MLLT3: variants seen among roughly 807,000 people sequenced by gnomAD.
MLLT3 encodes MLLT3 super elongation complex subunit, also known as protein AF-9.
MLLT3 carries 4 observed loss-of-function variants against 53.2 expected under a neutral mutation model. That is an observed-to-expected ratio of 0.08 (90% CI 0.04 to 0.17). The LOEUF (loss-of-function observed/expected upper bound fraction) is 0.17. Ranked by LOEUF, MLLT3 falls within the 10% of genes least tolerant of loss-of-function variation. MLLT3 has a pLI of 1.00. For synonymous variants in MLLT3, 283 were observed against 230.6 expected (o/e 1.23, Z -2.06); for missense variants, 569 against 684.0 (o/e 0.83, Z 1.87).
rs1373696549 is a variant in MLLT3, at chr9:20,545,928, G to A, written c.193+74726C>T. Reference sequence around the variant, plus strand: ...AGCTACGAGAAAGACTGAGGCAGAAGGATCACTTGAGCTCAAGTGTTTCAA... The same window carrying A: ...AGCTACGAGAAAGACTGAGGCAGAAAGATCACTTGAGCTCAAGTGTTTCAA... On this transcript the variant is annotated intron_variant, in intron 2 of 10. Coordinates refer to ENST00000380338, the MANE Select transcript of MLLT3 (RefSeq NM_004529.4). Among the ~76,000 whole-genome samples the A allele has an allele frequency of 3.3e-5, 5 of 151,438 alleles. No individual in the cohort carries two copies. In the South Asian group the frequency reaches 1.0e-3, roughly 31 times the overall value.
chr9:20,431,610 T>A (rs571089417), intron 4 of MLLT3, among the ~76,000 whole-genome samples: 1 of 152,190 alleles, frequency 6.6e-6, no homozygotes, highest in Admixed American at 6.5e-5. Context: ...AAAACCGGTT[T>A]CTTACTATGG....
chr9:20,587,516 A>G (rs1394733244), intron 2 of MLLT3, among the ~76,000 whole-genome samples: 2 of 140,114 alleles, frequency 1.4e-5, no homozygotes, highest in African/African-American at 5.2e-5. Flanking sequence ...AATAATGCCT[A>G]AATTCTAAGA....
At chr9:20,589,333 A>G (rs1820063605) in intron 2 of MLLT3, among the ~76,000 whole-genome samples, 1 of 151,344 alleles carries the variant, frequency 6.6e-6, no homozygotes, top group African/African-American at 2.4e-5. Context: ...CTATCGCAAG[A>G]ACAAAAAACC....
intron 4 of MLLT3, among the ~76,000 whole-genome samples, chr9:20,418,676 G>T (rs1396663104): frequency 6.6e-6 from 1 of 152,126 alleles, no homozygotes; most frequent in Non-Finnish European, 1.5e-5. Context: ...CTATTCACAG[G>T]CATGATCACT....
At chr9:20,457,882 C>A (rs1425141816) in intron 2 of MLLT3, among the ~76,000 whole-genome samples, 1 of 152,166 alleles carries the variant, frequency 6.6e-6, no homozygotes, top group African/African-American at 2.4e-5. Context: ...CTAGTTAAGA[C>A]TGCATTTTGG....
intron 9 of MLLT3, among the ~76,000 whole-genome samples, chr9:20,353,954 C>CA (rs1821100009): frequency 8.0e-6 from 1 of 124,860 alleles, no homozygotes; most frequent in African/African-American, 6.3e-5. Flanking sequence ...AGGCTACTTT[C>CA]ATTTTTTTTT....
At chr9:20,525,033 G>C (rs1818164448) in intron 2 of MLLT3, among the ~76,000 whole-genome samples, 1 of 149,734 alleles carries the variant, frequency 6.7e-6, no homozygotes, top group Admixed American at 6.7e-5. Flanking sequence ...TAAAGGAGGG[G>C]AAAAAGAGGG....
At chr9:20,442,546 T>G (rs1033955744) in intron 4 of MLLT3, among the ~76,000 whole-genome samples, 2 of 152,108 alleles carry the variant, frequency 1.3e-5, no homozygotes, top group African/African-American at 4.8e-5. Context: ...GTTGAGAAAT[T>G]AGAAGTGTTC....
At chr9:20,504,485 G>A (rs1426511530) in intron 2 of MLLT3, among the ~76,000 whole-genome samples, 2 of 152,008 alleles carry the variant, frequency 1.3e-5, no homozygotes, top group Non-Finnish European at 2.9e-5. Flanking sequence ...AAGAGAAATA[G>A]GCCAGACACA....
chr9:20,552,508 TTTG>T (rs1290931864), intron 2 of MLLT3, among the ~76,000 whole-genome samples: 2 of 151,984 alleles, frequency 1.3e-5, no homozygotes, highest in Non-Finnish European at 2.9e-5. Context: ...TCCTTCCCAG[TTTG>T]TTGTTGTTAT....
Position 20,622,497 on chromosome 9 carries a change from A to G in MLLT3, c.-241T>C. 1 of 464,848 alleles carries G rather than the reference A, an allele frequency of 2.2e-6. No homozygotes were observed. Among genetic ancestry groups the G allele is most frequent in the South Asian group, 4.2e-5 (1 of 23,776 alleles). 28.8% of individuals were successfully genotyped at this position (464,848 alleles called of 1,614,324 possible). A position where few individuals can be genotyped will look rare whatever the true frequency, so the allele number is the denominator to read the frequency against. ...CAGCAGCTCCAGGGTAAAGAAGATGATTGCGGAGCATGCGCCGTGGCGCCT... is the reference window on the plus strand; with the variant it reads ...CAGCAGCTCCAGGGTAAAGAAGATGGTTGCGGAGCATGCGCCGTGGCGCCT... On this transcript the variant is annotated 5_prime_UTR_variant, in exon 1 of 11. Coordinates refer to ENST00000380338, the MANE Select transcript of MLLT3 (RefSeq NM_004529.4).
intron 3 of MLLT3, among the ~76,000 whole-genome samples, chr9:20,451,315 A>C (rs1586958642): frequency 6.6e-6 from 1 of 152,342 alleles, no homozygotes; most frequent in East Asian, 1.9e-4. Flanking sequence ...ATATACTTTT[A>C]CTAGGAAAAT....
At chr9:20,346,636 G>C (rs1431397043) in intron 10 of MLLT3, 62 bp from the exon 11 acceptor site, 6 of 1,517,918 alleles carry the variant, frequency 4.0e-6, no homozygotes, top group Non-Finnish European at 4.5e-6. Context: ...GGCAAAGAGA[G>C]AGTAATGGAG....
chr9:20,410,758 A>C (rs1428247717), intron 5 of MLLT3: 1 of 152,182 alleles, frequency 6.6e-6, no homozygotes, highest in Non-Finnish European at 1.5e-5. Flanking sequence ...CCTGAGTAGA[A>C]TTTGATTCTA....
At chr9:20,405,452 G>C (rs1822555320) in intron 5 of MLLT3, among the ~76,000 whole-genome samples, 1 of 152,176 alleles carries the variant, frequency 6.6e-6, no homozygotes, top group Non-Finnish European at 1.5e-5. Context: ...AATTCGACAT[G>C]ACTTCCCTCT....
At chr9:20,568,038 T>G (rs1819428320) in intron 2 of MLLT3, among the ~76,000 whole-genome samples, 1 of 152,096 alleles carries the variant, frequency 6.6e-6, no homozygotes, top group African/African-American at 2.4e-5. Context: ...AAACCTTAGT[T>G]AAGAAGAATA....
At chr9:20,354,966 G>T in intron 8 of MLLT3, 87 bp from the exon 9 acceptor site, 2 of 826,678 alleles carry the variant, frequency 2.4e-6, no homozygotes, top group Non-Finnish European at 2.1e-6. Context: ...TCCACTGAAT[G>T]AAATGTACAG....
chr9:20,360,213 T>C (rs1821279402), intron 8 of MLLT3, among the ~76,000 whole-genome samples: 2 of 152,202 alleles, frequency 1.3e-5, no homozygotes, highest in South Asian at 4.1e-4. Flanking sequence ...TAAACTACCA[T>C]CAACTGAGTG....
chr9:20,511,947 T>A (rs979184881), intron 2 of MLLT3, among the ~76,000 whole-genome samples: 1 of 152,042 alleles, frequency 6.6e-6, no homozygotes, highest in African/African-American at 2.4e-5. Context: ...GCATTACCAG[T>A]ACAGAGTTCT....
Sources: gnomAD v4.1 joint callset for allele counts (sites outside exome capture counted in the v4.1 genomes callset) on GRCh38, gnomAD v4.1.1 for gene constraint, MANE v1.5 for transcripts, NCBI Gene and HGNC (gene_info 2026-07-23, HGNC 2026-07-21) for gene names.